Variants in MMP9 observed in about 807,000 individuals in gnomAD.
The protein encoded by MMP9 is matrix metallopeptidase 9, also known as matrix metalloproteinase-9.
Under a neutral mutation model 76.4 loss-of-function variants are expected in MMP9, and 73 were observed. That is an observed-to-expected ratio of 0.96 (90% confidence interval 0.79 to 1.16). The LOEUF (loss-of-function observed/expected upper bound fraction) is 1.16. Among genes scored for constraint, MMP9 ranks in the 50% most tolerant of loss-of-function variants. The pLI, the probability that MMP9 is intolerant of heterozygous loss-of-function variation, is 0.00. For synonymous variants in MMP9, 412 were observed against 408.4 expected, an observed-to-expected ratio of 1.01 and a Z score of -0.11; for missense variants, 943 against 973.0, an observed-to-expected ratio of 0.97 and a Z score of 0.41.
rs768405328 is a variant in MMP9 at position 46,010,987 on chromosome 20, C to T, written c.586C>T (p.Pro196Ser). ...CCTGGCACACGCCTTTCCTCCTGGC[C>T]CCGGCATTCAGGGAGACGCCCATTT... ...GLLAHAFPPG[P>S]GIQGDAHFDD... is the part of the protein sequence containing the mutation. The change falls in exon 4 of 13, where the codon CCC (proline) becomes TCC (serine). Residue 196 changes from proline to serine, a missense_variant. Physicochemically the swap from Pro to Ser is moderately conservative, Grantham distance 74. Transcript: ENST00000372330. 3.7e-6 allele frequency: 6 copies of T among 1,614,212 alleles called. No individual in the cohort carries two copies. The highest frequency in any genetic ancestry group is 5.1e-6 in the Non-Finnish European group (6 of 1,180,054).
Position 46,009,955 on chromosome 20 carries a change from G to A in MMP9, c.228G>A (p.Lys76=). ...GGCCTGCGCTGCTGCTTCTCCAGAA[G>A]CAACTGTCCCTGCCCGAGACCGGTG... is the stretch of plus-strand genomic sequence containing the variant. ...SLGPALLLLQ[K]QLSLPETGEL... Residue 76 remains lysine (K), a synonymous_variant, in exon 2 of 13, where the codon AAG becomes AAA. Transcript: ENST00000372330. 1 of 1,552,104 alleles carries A rather than the reference G, an allele frequency of 6.4e-7. No individual in the cohort carries two copies. Among genetic ancestry groups the A allele is most frequent in the African/African-American group, 1.4e-5 (1 of 73,186 alleles).
At position 46,009,967 on chromosome 20, in the gene MMP9, GCCCGAGA is replaced by G. The variant is rs1459808954; in HGVS notation, c.243_249del (p.Glu82ValfsTer8). The stretch of plus-strand genomic sequence containing the variant: ...TGCTTCTCCAGAAGCAACTGTCCCT[GCCCGAGA>G]CCGGTGAGCTGGATAGCGCCACGCT... On this transcript the variant is annotated frameshift_variant, in exon 2 of 13. Transcript: ENST00000372330. LOFTEE classifies it high-confidence loss of function. 4 of 1,551,946 alleles carry G rather than the reference GCCCGAGA, an allele frequency of 2.6e-6. No individual in the cohort carries two copies. Among genetic ancestry groups the G allele is most frequent in the Non-Finnish European group, 2.6e-6 (3 of 1,147,088 alleles).
rs973154322 is a variant in MMP9, at chr20:46,013,198, C to G, written c.1331-57C>G. On this transcript the variant is annotated intron_variant, in intron 8 of 12. Transcript: ENST00000372330. This position sits in a 1 kb window ranked among gnomAD's most constrained non-coding sequence, Gnocchi z 4.5. ...TGAGAAGCTTAGGGGAGCAGATGTTCTAGGGGTACAGAGGTATGCAGGAAT... is the reference window on the plus strand; with the variant it reads ...TGAGAAGCTTAGGGGAGCAGATGTTGTAGGGGTACAGAGGTATGCAGGAAT... The G allele has an allele frequency of 1.2e-6, 2 of 1,605,750 alleles. No individual in the cohort carries two copies. The highest frequency in any genetic ancestry group is 2.7e-5 in the African/African-American group (2 of 74,702).
At chr20:46,011,917 T>C (rs1405317183) in intron 6 of MMP9, among the ~76,000 whole-genome samples, 170 bp downstream of exon 6, 3 of 152,184 alleles carry the variant, frequency 2.0e-5, no homozygotes, top group Admixed American at 1.3e-4. Flanking sequence ...TGACTTCCAA[T>C]GGCCCCGCCC....
chr20:46,013,118 G>A lies in MMP9; in HGVS notation c.1331-137G>A. The A allele has an allele frequency of 5.0e-6, 5 of 999,884 alleles. No individual in the cohort carries two copies. Among genetic ancestry groups the A allele is most frequent in the Non-Finnish European group, 7.9e-6 (5 of 629,558 alleles). 61.9% of individuals were successfully genotyped at this position (999,884 alleles called of 1,614,324 possible). A position where few individuals can be genotyped will look rare whatever the true frequency, so the allele number is the denominator to read the frequency against. ...AAAAAGAAGAAGAAGAAAGTCCTGTGGTTTGGGAAGGGAGGCTGAGTGAGG... is the reference window on the plus strand; with the variant it reads ...AAAAAGAAGAAGAAGAAAGTCCTGTAGTTTGGGAAGGGAGGCTGAGTGAGG... On this transcript the variant is annotated intron_variant, in intron 8 of 12. Transcript: ENST00000372330. This position sits in a 1 kb window ranked among gnomAD's most constrained non-coding sequence, Gnocchi z 4.5.
At chr20:46,014,650 A>G (rs2084308381) in intron 12 of MMP9, 176 bp downstream of exon 12, 1 of 707,378 alleles carries the variant, frequency 1.4e-6, no homozygotes, top group Admixed American at 2.3e-5. Flanking sequence ...TCAGGGATGC[A>G]ACCAAGACCA....
At position 46,013,220 on chromosome 20, in the gene MMP9, G is replaced by A; in HGVS notation, c.1331-35G>A. The A allele has an allele frequency of 6.2e-7, 1 of 1,613,614 alleles. No homozygotes were observed. The highest frequency in any genetic ancestry group is 8.5e-7 in the Non-Finnish European group (1 of 1,179,678). ...GTTCTAGGGGTACAGAGGTATGCAG[G>A]AATAGGAAGAGTCTCACCCCGTGTC... On this transcript the variant is annotated intron_variant, in intron 8 of 12. Coordinates refer to ENST00000372330, the MANE Select transcript of MMP9 (RefSeq NM_004994.3). The surrounding 1 kb of genome is among the most constrained non-coding windows in gnomAD (Gnocchi z 4.5).
Position 46,010,964 on chromosome 20 carries a change from T to TG in MMP9, c.565dup (p.Ala189GlyfsTer19), listed in dbSNP as rs1290483088. On this transcript the variant is annotated frameshift_variant, in exon 4 of 13. Transcript: ENST00000372330. LOFTEE classifies it high-confidence loss of function. ...CCCTTCGACGGGAAGGACGGGCTCC[T>TG]GGCACACGCCTTTCCTCCTGGCCCC... 6.2e-7 allele frequency: 1 copy of TG among 1,614,238 alleles called. No homozygotes were observed. The highest frequency in any genetic ancestry group is 1.7e-5 in the Admixed American group (1 of 60,034).
At position 46,011,173 on chromosome 20, in the gene MMP9, G is replaced by A. The variant is rs750969696; in HGVS notation, c.680G>A (p.Gly227Asp). 6 of 1,614,006 alleles carry A rather than the reference G, an allele frequency of 3.7e-6. No individual in the cohort carries two copies. In the Admixed American group the frequency reaches 8.3e-5, roughly 22 times the overall value. The change falls in exon 5 of 13, where the codon GGC (glycine) becomes GAC (aspartate). Residue 227 changes from glycine (G) to aspartate (D), a missense_variant. Coordinates refer to ENST00000372330, the MANE Select transcript of MMP9 (RefSeq NM_004994.3). ...VVPTRFGNAD[G>D]AACHFPFIFE... ...CCAACTCGGTTTGGAAACGCAGATG[G>A]CGCGGCCTGCCACTTCCCCTTCATC...
Position 46,010,333 on chromosome 20 carries a change from A to AACAAAAAAAAAAAAAAAC in MMP9, c.372-149_372-148insCAAAAAAAAAAAAAAACA, listed in dbSNP as rs1555856969. 6.0e-6 allele frequency: 5 copies of AACAAAAAAAAAAAAAAAC among 828,818 alleles called. No individual in the cohort carries two copies. The African/African-American group carries it at 8.6e-5, about 14-fold the overall frequency. The allele number at this position is 828,818 out of a possible 1,614,324, so 51.3% of individuals were successfully genotyped here. A position where few individuals can be genotyped will look rare whatever the true frequency, so the allele number is the denominator to read the frequency against. On this transcript the variant is annotated intron_variant, in intron 2 of 12. Coordinates refer to ENST00000372330, the MANE Select transcript of MMP9 (RefSeq NM_004994.3). Reference sequence around the variant, plus strand: ...GGGTCTAAGTAGACAAAAAAAAAAAAAAAAAAAACAGTCTGGAAGCAATTT... The same window carrying AACAAAAAAAAAAAAAAAC: ...GGGTCTAAGTAGACAAAAAAAAAAAAACAAAAAAAAAAAAAAACAAAAAAAACAGTCTGGAAGCAATTT...
chr20:46,010,172 GT>G, intron 2 of MMP9, 74 bp downstream of exon 2: 1 of 1,361,042 alleles, frequency 7.3e-7, no homozygotes, highest in Non-Finnish European at 1.0e-6. Context: ...CGGTGAACAT[GT>G]CCTGTCTTGG....
Position 46,014,276 on chromosome 20 carries a change from T to C in MMP9, c.1901+2T>C. ...GTTCAGCGGGCGGCGCCTCTGGAGGTGAGCGCCGCCGCGGCCGCCGGCAGG... is the reference window on the plus strand; with the variant it reads ...GTTCAGCGGGCGGCGCCTCTGGAGGCGAGCGCCGCCGCGGCCGCCGGCAGG... On this transcript the variant is annotated splice_donor_variant, in intron 11 of 12. Coordinates refer to ENST00000372330, the MANE Select transcript of MMP9 (RefSeq NM_004994.3). LOFTEE classifies it high-confidence loss of function. 1 of 1,495,704 alleles carries C rather than the reference T, an allele frequency of 6.7e-7. No homozygotes were observed. 92.7% of individuals were successfully genotyped at this position (1,495,704 alleles called of 1,614,324 possible).
Position 46,010,507 on chromosome 20 carries a change from G to A in MMP9, c.396G>A (p.Leu132=). ...TYWIQNYSED[L]PRAVIDDAFA... ...GGATCCAAAACTACTCGGAAGACTTGCCGCGGGCGGTGATTGACGACGCCT... is the reference window on the plus strand; with the variant it reads ...GGATCCAAAACTACTCGGAAGACTTACCGCGGGCGGTGATTGACGACGCCT... The change falls in exon 3 of 13, where the codon TTG becomes TTA. Residue 132 remains leucine (L), a synonymous_variant. Coordinates refer to ENST00000372330, the MANE Select transcript of MMP9 (RefSeq NM_004994.3). 1 of 1,614,190 alleles carries A rather than the reference G, an allele frequency of 6.2e-7. No individual in the cohort carries two copies.
Position 46,011,710 on chromosome 20 carries a change from C to T in MMP9, c.960C>T (p.Tyr320=), listed in dbSNP as rs769437856. ...GYRWCATTAN[Y]DRDKLFGFCP... is the part of the protein sequence containing the mutation. ...GCTGGTGCGCCACCACCGCCAACTACGACCGGGACAAGCTCTTCGGCTTCT... is the reference window on the plus strand; with the variant it reads ...GCTGGTGCGCCACCACCGCCAACTATGACCGGGACAAGCTCTTCGGCTTCT... The change falls in exon 6 of 13, where the codon TAC becomes TAT. Residue 320 remains tyrosine, a synonymous_variant. Transcript: ENST00000372330. The T allele has an allele frequency of 1.9e-6, 3 of 1,613,782 alleles. No homozygotes were observed. The highest frequency in any genetic ancestry group is 1.1e-5 in the South Asian group (1 of 91,088).
intron 1 of MMP9, 134 bp downstream of exon 1, chr20:46,009,198 G>C: frequency 4.8e-6 from 5 of 1,039,770 alleles, no homozygotes; most frequent in Non-Finnish European, 7.2e-6. Flanking sequence ...AAGAACAGAG[G>C]TGTCCAGGGT....
intron 12 of MMP9, 51 bp from the exon 13 acceptor site, chr20:46,016,198 TA>T: frequency 6.8e-7 from 1 of 1,475,270 alleles, no homozygotes; most frequent in Admixed American, 1.7e-5. Flanking sequence ...CCTATTTCTG[TA>T]TATGTGGGAG....
intron 3 of MMP9, 145 bp downstream of exon 3, chr20:46,010,776 G>C: frequency 6.4e-7 from 1 of 1,556,338 alleles, no homozygotes; most frequent in Non-Finnish European, 8.7e-7. Context: ...CTGCCAGACA[G>C]TGCACAGGGC....
chr20:46,010,835 A>C, intron 3 of MMP9, 87 bp from the exon 4 acceptor site: 2 of 1,609,926 alleles, frequency 1.2e-6, no homozygotes, highest in South Asian at 1.1e-5. Context: ...TTCAGCCCGC[A>C]CTTATTTCGG....
rs2084288591 is a variant in MMP9, at chr20:46,012,499, A to C, written c.1247A>C (p.Glu416Ala). The C allele has an allele frequency of 6.2e-7, 1 of 1,614,014 alleles. No individual in the cohort carries two copies. Among genetic ancestry groups the C allele is most frequent in the Non-Finnish European group, 8.5e-7 (1 of 1,179,880 alleles). ...ALGLDHSSVP[E>A]ALMYPMYRFT... ...GGCTTAGATCATTCCTCAGTGCCGG[A>C]GGCGCTCATGTACCCTATGTACCGC... The change falls in exon 8 of 13, where the codon GAG (glutamate) becomes GCG (alanine). Residue 416 changes from glutamate (E) to alanine (A), a missense_variant. Coordinates refer to ENST00000372330, the MANE Select transcript of MMP9 (RefSeq NM_004994.3).
Sources: allele counts gnomAD v4.1 joint callset (sites outside exome capture counted in the v4.1 genomes callset), GRCh38; gene constraint gnomAD v4.1.1; non-coding constraint Gnocchi (gnomAD v3.1); transcripts MANE v1.5; gene names NCBI Gene and HGNC (gene_info 2026-07-23, HGNC 2026-07-21).